The following CAPZA1 variants were observed in gnomAD, a reference collection of about 807,000 sequenced individuals.
The protein encoded by CAPZA1 is capping actin protein of muscle Z-line subunit alpha 1.
Under a neutral mutation model 40.8 loss-of-function variants are expected in CAPZA1, and 10 were observed. The ratio of observed to expected loss-of-function variants is 0.25; its 90% CI spans 0.15 to 0.42. The LOEUF (loss-of-function observed/expected upper bound fraction) is 0.42. Ranked by LOEUF, CAPZA1 falls within the 10% of genes least tolerant of loss-of-function variation. CAPZA1 has a pLI of 1.00. For missense variants in CAPZA1, 277 were observed against 353.8 expected (o/e 0.78, Z 1.74); for synonymous variants, 98 against 115.0 (o/e 0.85, Z 0.95).
At chr1:112,621,842 A>C (rs1670679793) in intron 1 of CAPZA1, among the ~76,000 whole-genome samples, 2 of 147,710 alleles carry the variant, frequency 1.4e-5, no homozygotes, top group Non-Finnish European at 1.5e-5. Context: ...GCTCGCTGCA[A>C]CCTCTGCCTC....
At chr1:112,636,015 C>T (rs1040251076) in intron 1 of CAPZA1, among the ~76,000 whole-genome samples, 1 of 151,986 alleles carries the variant, frequency 6.6e-6, no homozygotes, top group African/African-American at 2.4e-5. Flanking sequence ...GGTGACAGAG[C>T]GAGACTCTTT....
chr1:112,631,371 T>C (rs1670913365), intron 1 of CAPZA1, among the ~76,000 whole-genome samples: 1 of 152,222 alleles, frequency 6.6e-6, no homozygotes, highest in South Asian at 2.1e-4. Flanking sequence ...TGGGAGTCTG[T>C]CTCATGTTAC....
At chr1:112,634,704 T>A (rs1025885176) in intron 1 of CAPZA1, 2 of 152,210 alleles carry the variant, frequency 1.3e-5, no homozygotes, top group African/African-American at 2.4e-5. Flanking sequence ...ACAATTTTTT[T>A]AAATTTAATA....
intron 1 of CAPZA1, among the ~76,000 whole-genome samples, chr1:112,642,578 C>T (rs971023117): frequency 6.6e-6 from 1 of 152,150 alleles, no homozygotes; most frequent in Non-Finnish European, 1.5e-5. Flanking sequence ...CCTCACTCTG[C>T]ATTTATTACC....
At chr1:112,640,249 C>T (rs1402219674) in intron 1 of CAPZA1, among the ~76,000 whole-genome samples, 42 of 123,260 alleles carry the variant, frequency 3.4e-4, no homozygotes, top group South Asian at 1.1e-3. Flanking sequence ...CGCCTCTGCC[C>T]GGCCGCCCCT....
intron 1 of CAPZA1, among the ~76,000 whole-genome samples, chr1:112,625,618 A>T (rs1670790112): frequency 6.6e-6 from 1 of 152,198 alleles, no homozygotes; most frequent in African/African-American, 2.4e-5. Flanking sequence ...GCAGTGATTG[A>T]CATAAGAAAG....
At chr1:112,661,977 C>T (rs1358388813) in intron 7 of CAPZA1, among the ~76,000 whole-genome samples, 4 of 152,228 alleles carry the variant, frequency 2.6e-5, no homozygotes, top group Non-Finnish European at 5.9e-5. Context: ...GCAAAAACAT[C>T]GTTCTGAGAA....
intron 1 of CAPZA1, among the ~76,000 whole-genome samples, chr1:112,624,396 G>A (rs921459352): frequency 6.6e-6 from 1 of 152,030 alleles, no homozygotes; most frequent in Non-Finnish European, 1.5e-5. Context: ...ATCATCTGAG[G>A]TCAGGAGTTA....
intron 1 of CAPZA1, among the ~76,000 whole-genome samples, chr1:112,623,045 C>A (rs1162501203): frequency 2.0e-5 from 3 of 151,926 alleles, no homozygotes; most frequent in Non-Finnish European, 4.4e-5. Flanking sequence ...GCCACCACAC[C>A]CGGCTAATTT....
At chr1:112,666,055 C>A (rs943240315) in intron 7 of CAPZA1, among the ~76,000 whole-genome samples, 2 of 152,018 alleles carry the variant, frequency 1.3e-5, no homozygotes, top group African/African-American at 4.8e-5. Flanking sequence ...CCAGGCTGGT[C>A]TTAAACTTCT....
chr1:112,642,539 A>G (rs1671192502), intron 1 of CAPZA1, among the ~76,000 whole-genome samples: 1 of 152,078 alleles, frequency 6.6e-6, no homozygotes, highest in Non-Finnish European at 1.5e-5. Context: ...TAATGTAGGT[A>G]TACAGAGTTG....
At chr1:112,641,907 T>A (rs1000007271) in intron 1 of CAPZA1, among the ~76,000 whole-genome samples, 33 of 135,034 alleles carry the variant, frequency 2.4e-4, no homozygotes, top group South Asian at 4.8e-4. Flanking sequence ...AAAAAAAAAA[T>A]ACTAAAACTG....
chr1:112,669,733 CTT>C, intron 9 of CAPZA1, 128 bp downstream of exon 9: 5 of 796,606 alleles, frequency 6.3e-6, no homozygotes, highest in Non-Finnish European at 1.0e-5. Flanking sequence ...ATGTGGGAGA[CTT>C]TGCAGACCTT....
At position 112,656,071 on chromosome 1, in the gene CAPZA1, T is replaced by C. The variant is rs957737733; in HGVS notation, c.426+1400T>C. On this transcript the variant is annotated intron_variant, in intron 5 of 9. Transcript: ENST00000263168. ...ATTGAGCTAATAACATGGATTTCTA[T>C]ACATATTTATCATTTTTTTGTTGTG... Among the ~76,000 whole-genome samples the C allele has an allele frequency of 5.9e-5, 9 of 152,354 alleles. No homozygotes were observed. In the East Asian group the frequency reaches 1.7e-3, roughly 29 times the overall value.
intron 1 of CAPZA1, among the ~76,000 whole-genome samples, chr1:112,631,833 G>A (rs1209841385): frequency 2.0e-5 from 3 of 151,902 alleles, no homozygotes; most frequent in African/African-American, 7.3e-5. Context: ...GCACATTTAA[G>A]CTCCTAAACA....
chr1:112,658,928 C>T (rs1671547786), intron 5 of CAPZA1, 94 bp from the exon 6 acceptor site: 1 of 889,002 alleles, frequency 1.1e-6, no homozygotes, highest in Admixed American at 1.9e-5. Flanking sequence ...TTCTTTGTCT[C>T]CCCCAAGGAT....
chr1:112,650,714 T>C (rs915052011), intron 3 of CAPZA1, among the ~76,000 whole-genome samples: 3 of 152,240 alleles, frequency 2.0e-5, no homozygotes, highest in Non-Finnish European at 4.4e-5. Context: ...TGTACGTCAC[T>C]TGATAAGCTG....
intron 3 of CAPZA1, 115 bp downstream of exon 3, chr1:112,649,584 G>T (rs948032324): frequency 5.9e-6 from 5 of 853,902 alleles, no homozygotes; most frequent in Non-Finnish European, 9.4e-6. Context: ...AAAGCAGTTG[G>T]TTTTAGCAAT....
At chr1:112,648,560 C>T (rs1380097142) in intron 2 of CAPZA1, among the ~76,000 whole-genome samples, 2 of 151,618 alleles carry the variant, frequency 1.3e-5, no homozygotes, top group African/African-American at 4.8e-5. Flanking sequence ...TCATGATCCG[C>T]CTGCCTCAGC....
Sources: allele counts gnomAD v4.1 joint callset (sites outside exome capture counted in the v4.1 genomes callset), GRCh38; gene constraint gnomAD v4.1.1; transcripts MANE v1.5; gene names NCBI Gene and HGNC (gene_info 2026-07-23, HGNC 2026-07-21).